Variants in CFAP251 observed in about 807,000 individuals in gnomAD.
CFAP251 encodes the protein cilia and flagella associated protein 251.
A neutral mutation model predicts 126.7 loss-of-function variants in CFAP251; 93 were observed. That is an observed-to-expected ratio of 0.73 (90% CI 0.62 to 0.87). CFAP251 has a LOEUF of 0.87. CFAP251 is among the 40% of genes least tolerant of loss of function. The pLI is 0.00. For missense variants in CFAP251, 1,287 were observed against 1,389.2 expected, an observed-to-expected ratio of 0.93 and a Z score of 1.17; for synonymous variants, 503 against 506.9, an observed-to-expected ratio of 0.99 and a Z score of 0.10.
At chr12:121,975,101 C>T (rs780901312) in intron 17 of CFAP251, 143 bp from the exon 18 acceptor site, 1 of 627,336 alleles carries the variant, frequency 1.6e-6, no homozygotes, top group Non-Finnish European at 2.8e-6. Flanking sequence ...TTTAAAGGAC[C>T]TTTTCTTAAC....
Position 121,968,165 on chromosome 12 carries a change from T to C in CFAP251, c.2767T>C (p.Leu923=). The part of the protein sequence containing the change: ...DRSVVQWKIT[L]SVLEAAVSLG... ...CTCGGTGGTGCAGTGGAAAATCACC[T>C]TAAGGTACACGATGGGGCGAGAAGG... The change falls in exon 17 of 22, where the codon TTA becomes CTA. Residue 923 remains leucine (L), a synonymous_variant. Coordinates refer to ENST00000288912, the MANE Select transcript of CFAP251 (RefSeq NM_144668.6). 1 of 1,601,796 alleles carries C rather than the reference T, an allele frequency of 6.2e-7. No individual in the cohort carries two copies. The highest frequency in any genetic ancestry group is 1.1e-5 in the South Asian group (1 of 90,690).
intron 21 of CFAP251, among the ~76,000 whole-genome samples, chr12:122,003,443 T>C (rs1723569717): frequency 6.6e-6 from 1 of 151,810 alleles, no homozygotes; most frequent in Non-Finnish European, 1.5e-5. Context: ...CGTGGTGGCG[T>C]GTGCCTGTAG....
At chr12:121,928,041 G>T (rs193250466) in intron 3 of CFAP251, among the ~76,000 whole-genome samples, 1 of 152,168 alleles carries the variant, frequency 6.6e-6, no homozygotes, top group Non-Finnish European at 1.5e-5. Flanking sequence ...AACGCTGCTC[G>T]AGTGGGGTTG....
Position 122,001,761 on chromosome 12 carries a change from CAGTG to C in CFAP251, c.3337+168_3337+171del, listed in dbSNP as rs1413320874. 4.6e-6 allele frequency: 3 copies of C among 651,796 alleles called. No individual in the cohort carries two copies. The African/African-American group carries it at 5.4e-5, about 12-fold the overall frequency. The allele number at this position is 651,796 out of a possible 1,614,324, so 40.4% of individuals were successfully genotyped here. Reference sequence around the variant, plus strand: ...CCACATGAATAAGTTATGAAAAGAACAGTGAGTGGTGGCTTTTGTTCCCGCGCTC... The same window carrying C: ...CCACATGAATAAGTTATGAAAAGAACAGTGGTGGCTTTTGTTCCCGCGCTC... On this transcript the variant is annotated intron_variant, in intron 21 of 21. Transcript: ENST00000288912.
intron 6 of CFAP251, 118 bp from the exon 7 acceptor site, chr12:121,942,777 C>A: frequency 7.8e-7 from 1 of 1,282,626 alleles, no homozygotes. Flanking sequence ...CTCCACAGCA[C>A]AGAGTCTGGG....
chr12:121,923,803 A>G lies in CFAP251; in HGVS notation c.560A>G (p.Asp187Gly). Reference protein sequence around the residue: ...QPSGELEEKTDRMPQDELGQE... With the variant: ...QPSGELEEKTGRMPQDELGQE... ...TCAGGAGAGCTTGAGGAGAAAACCGACCGGATGCCCCAAGATGAACTGGGA... is the reference window on the plus strand; with the variant it reads ...TCAGGAGAGCTTGAGGAGAAAACCGGCCGGATGCCCCAAGATGAACTGGGA... Residue 187 changes from aspartate to glycine, a missense_variant, in exon 3 of 22, where the codon GAC becomes GGC. Physicochemically the swap from Asp to Gly is moderately conservative, Grantham distance 94. Coordinates refer to ENST00000288912, the MANE Select transcript of CFAP251 (RefSeq NM_144668.6). 1 of 1,614,080 alleles carries G rather than the reference A, an allele frequency of 6.2e-7. No homozygotes were observed. The highest frequency in any genetic ancestry group is 8.5e-7 in the Non-Finnish European group (1 of 1,180,012).
intron 5 of CFAP251, among the ~76,000 whole-genome samples, chr12:121,935,792 A>C (rs531359657): frequency 6.6e-6 from 1 of 152,254 alleles, no homozygotes; most frequent in East Asian, 1.9e-4. Flanking sequence ...CTGGCACTGG[A>C]GCTGGGTCCG....
chr12:121,987,031 A>T (rs1016468979), intron 19 of CFAP251, among the ~76,000 whole-genome samples: 1 of 152,224 alleles, frequency 6.6e-6, no homozygotes, highest in African/African-American at 2.4e-5. Context: ...GCAGGGTCCC[A>T]GCTGGGATGG....
At chr12:121,949,516 T>C (rs1389748556) in intron 8 of CFAP251, 2 of 152,006 alleles carry the variant, frequency 1.3e-5, no homozygotes, top group South Asian at 2.1e-4. Flanking sequence ...CCTTGGTCTT[T>C]TTTCCCTTTT....
intron 3 of CFAP251, among the ~76,000 whole-genome samples, chr12:121,928,927 G>A (rs1449471194): frequency 6.6e-6 from 1 of 151,554 alleles, no homozygotes; most frequent in Non-Finnish European, 1.5e-5. Context: ...GAACTCCTGG[G>A]ATCAAGCAAT....
intron 5 of CFAP251, among the ~76,000 whole-genome samples, chr12:121,936,476 G>A (rs1393002488): frequency 6.6e-6 from 1 of 152,172 alleles, no homozygotes; most frequent in Admixed American, 6.5e-5. Context: ...GGTCTGCAAA[G>A]GAATAAAGTT....
chr12:121,983,638 TGTTCTCCC>T lies in CFAP251; in HGVS notation c.3006+7955_3006+7962del, dbSNP rs1882679326. 3.9e-5 allele frequency among the ~76,000 whole-genome samples: 6 copies of T among 152,250 alleles called. No individual in the cohort carries two copies. The South Asian group carries it at 6.2e-4, about 16-fold the overall frequency. ...TGTAAGGTTTGCACTGGATGTTGTA[TGTTCTCCC>T]GGCTGACCCCACCACTTCCCAAAAG... On this transcript the variant is annotated intron_variant, in intron 19 of 21. Coordinates refer to ENST00000288912, the MANE Select transcript of CFAP251 (RefSeq NM_144668.6).
rs148145141 is a variant in CFAP251 at position 121,928,626 on chromosome 12, G to GTGTATATATATATA, written c.748-3119_748-3118insGTATATATATATAT. On this transcript the variant is annotated intron_variant, in intron 3 of 21. Transcript: ENST00000288912. ...ACCCTAGATAATTTTATGTATATGTGTATATATATACGTATATATATATAT... is the reference window on the plus strand; with the variant it reads ...ACCCTAGATAATTTTATGTATATGTGTGTATATATATATATATATATATACGTATATATATATAT... Among the ~76,000 whole-genome samples, 75 of 43,186 alleles carry GTGTATATATATATA rather than the reference G, an allele frequency of 1.7e-3. 1 individual carries two copies. Among genetic ancestry groups the GTGTATATATATATA allele is most frequent in the African/African-American group, 6.2e-3 (62 of 10,076 alleles). The allele number at this position is 43,186 out of a possible 152,430, so 28.3% of individuals were successfully genotyped here.
intron 19 of CFAP251, among the ~76,000 whole-genome samples, chr12:121,990,650 G>C (rs1312227932): frequency 6.6e-6 from 1 of 152,288 alleles, no homozygotes; most frequent in Admixed American, 6.5e-5. Flanking sequence ...ATGTTCTCCT[G>C]CATCTTGGCA....
At chr12:121,928,688 ACGTATATATATATATAT>A (rs1565902785) in intron 3 of CFAP251, among the ~76,000 whole-genome samples, 5 of 29,038 alleles carry the variant, frequency 1.7e-4, no homozygotes, top group African/African-American at 3.9e-4. Context: ...ATATATATAT[ACGTATATATATATATAT>A]TTTTTTTTTG....
At chr12:121,952,240 TAAAAAAAAAAAAAA>T (rs558861973) in intron 9 of CFAP251, among the ~76,000 whole-genome samples, 9 of 92,082 alleles carry the variant, frequency 9.8e-5, no homozygotes, top group East Asian at 3.8e-4. Context: ...TCGTTTCTAC[TAAAAAAAAAAAAAA>T]AAAAAAAAAA....
Position 121,934,305 on chromosome 12 carries a change from C to T in CFAP251, c.947C>T (p.Thr316Ile), listed in dbSNP as rs754855546. Residue 316 changes from threonine to isoleucine, a missense_variant, in exon 5 of 22, where the codon ACA (threonine) becomes ATA (isoleucine). Coordinates refer to ENST00000288912, the MANE Select transcript of CFAP251 (RefSeq NM_144668.6). ...CVSEDRRWIA[T>I]ADKGPDCLVI... ...AGTGAAGACAGGCGGTGGATCGCCA[C>T]AGCAGACAAAGGGCCAGACTGCCTG... The T allele has an allele frequency of 3.5e-5, 57 of 1,613,998 alleles. No individual in the cohort carries two copies. Among genetic ancestry groups the T allele is most frequent in the Non-Finnish European group, 4.7e-5 (55 of 1,180,036 alleles).
At position 121,942,892 on chromosome 12, in the gene CFAP251, C is replaced by T. The variant is rs537316713; in HGVS notation, c.1111-3C>T. ...ATGCCCCTCTCTCTACTGTCACCTA[C>T]AGAAGGTATGCATCTGGAAGTGGAC... On this transcript the variant is annotated splice_region_variant and splice_polypyrimidine_tract_variant and intron_variant, in intron 6 of 21. Transcript: ENST00000288912. 1 of 1,614,208 alleles carries T rather than the reference C, an allele frequency of 6.2e-7. No homozygotes were observed. Among genetic ancestry groups the T allele is most frequent in the East Asian group, 2.2e-5 (1 of 44,886 alleles).
chr12:121,929,188 G>T (rs529180392), intron 3 of CFAP251, among the ~76,000 whole-genome samples: 2 of 151,880 alleles, frequency 1.3e-5, no homozygotes, highest in Admixed American at 6.6e-5. Context: ...GGACATGGTG[G>T]TGCATGCCTG....
Sources: allele counts gnomAD v4.1 joint callset (sites outside exome capture counted in the v4.1 genomes callset), GRCh38; gene constraint gnomAD v4.1.1; transcripts MANE v1.5; gene names NCBI Gene and HGNC (gene_info 2026-07-23, HGNC 2026-07-21).